CERS6: variants seen among roughly 807,000 people sequenced by gnomAD.
The protein encoded by CERS6 is ceramide synthase 6.
CERS6 carries 26 observed loss-of-function variants against 56.8 expected under a neutral mutation model. The observed-to-expected ratio is 0.46, with a 90% CI of 0.34 to 0.63. The LOEUF (loss-of-function observed/expected upper bound fraction) is 0.63. CERS6 is among the 30% of genes least tolerant of loss of function. The pLI, the probability that CERS6 is intolerant of heterozygous loss-of-function variation, is 0.01. For synonymous variants in CERS6, 164 were observed against 173.3 expected (o/e 0.95, Z 0.42); for missense variants, 415 against 467.5 (o/e 0.89, Z 1.04).
At chr2:168,736,945 T>C (rs1337629514) in intron 8 of CERS6, among the ~76,000 whole-genome samples, 1 of 152,214 alleles carries the variant, frequency 6.6e-6, no homozygotes, top group East Asian at 1.9e-4. Context: ...GGTCCCTGTC[T>C]GATAAATGTG....
At chr2:168,522,045 A>G (rs1694992636) in intron 1 of CERS6, among the ~76,000 whole-genome samples, 1 of 152,156 alleles carries the variant, frequency 6.6e-6, no homozygotes. Flanking sequence ...TGATTTGAGA[A>G]CACAGTGGGA....
At chr2:168,528,808 T>C (rs983560819) in intron 1 of CERS6, among the ~76,000 whole-genome samples, 2 of 152,252 alleles carry the variant, frequency 1.3e-5, no homozygotes, top group African/African-American at 4.8e-5. Context: ...CTACTTTCTC[T>C]GGACCTCAGT....
chr2:168,677,383 C>G (rs1686091423), intron 4 of CERS6, among the ~76,000 whole-genome samples: 1 of 152,084 alleles, frequency 6.6e-6, no homozygotes, highest in Non-Finnish European at 1.5e-5. Flanking sequence ...ATTCCATGGT[C>G]TATATGTGCC....
intron 8 of CERS6, among the ~76,000 whole-genome samples, chr2:168,754,148 T>C (rs1307873285): frequency 1.3e-5 from 2 of 152,026 alleles, no homozygotes; most frequent in Non-Finnish European, 2.9e-5. Flanking sequence ...CAGGAGGCAC[T>C]ATGGGTCCGT....
chr2:168,562,816 ACT>A (rs1695815782), intron 3 of CERS6, among the ~76,000 whole-genome samples: 1 of 152,186 alleles, frequency 6.6e-6, no homozygotes, highest in South Asian at 2.1e-4. Flanking sequence ...CAATAAATGA[ACT>A]TACTGGCAGT....
intron 6 of CERS6, among the ~76,000 whole-genome samples, chr2:168,701,458 A>C (rs757455995): frequency 8.1e-4 from 124 of 152,272 alleles, no homozygotes; most frequent in Middle Eastern, 3.4e-3. Flanking sequence ...TGAAATTTTC[A>C]CTGAGAATGC....
intron 4 of CERS6, among the ~76,000 whole-genome samples, chr2:168,687,385 C>A (rs561344734): frequency 6.6e-6 from 1 of 152,170 alleles, no homozygotes; most frequent in Non-Finnish European, 1.5e-5. Flanking sequence ...TTCCCTAGTA[C>A]CTTACTACTT....
chr2:168,485,134 A>G lies in CERS6; in HGVS notation c.170+28516A>G, dbSNP rs558821684. Among the ~76,000 whole-genome samples the G allele has an allele frequency of 9.9e-5, 15 of 151,982 alleles. 1 individual carries two copies. Among genetic ancestry groups the G allele is most frequent in the African/African-American group, 3.4e-4 (14 of 41,454 alleles). Reference sequence around the variant, plus strand: ...TTAAAAATCTTGACCCTTAAGTAAGATACAAAAACACAAAAGGTGACACAC... The same window carrying G: ...TTAAAAATCTTGACCCTTAAGTAAGGTACAAAAACACAAAAGGTGACACAC... On this transcript the variant is annotated intron_variant, in intron 1 of 9. Coordinates refer to ENST00000305747, the MANE Select transcript of CERS6 (RefSeq NM_203463.3).
chr2:168,746,069 A>T (rs1364313971), intron 8 of CERS6, among the ~76,000 whole-genome samples: 2 of 149,834 alleles, frequency 1.3e-5, no homozygotes, highest in Non-Finnish European at 2.9e-5. Context: ...AGAGCCTGGT[A>T]GGAGGGTTGA....
At chr2:168,684,344 G>A (rs139828922) in intron 4 of CERS6, among the ~76,000 whole-genome samples, 50 of 152,206 alleles carry the variant, frequency 3.3e-4, no homozygotes, top group African/African-American at 1.0e-3. Context: ...GAGTGCTCTC[G>A]GCTGCTCACC....
intron 8 of CERS6, among the ~76,000 whole-genome samples, chr2:168,730,508 C>A (rs1424706209): frequency 6.6e-6 from 1 of 152,240 alleles, no homozygotes; most frequent in East Asian, 1.9e-4. Flanking sequence ...AATTATCTTG[C>A]CCCTTCCATG....
chr2:168,676,585 C>G (rs976300423), intron 4 of CERS6, among the ~76,000 whole-genome samples: 1 of 152,152 alleles, frequency 6.6e-6, no homozygotes, highest in African/African-American at 2.4e-5. Flanking sequence ...ATTTGATTTT[C>G]TTGAAGTGAA....
intron 3 of CERS6, among the ~76,000 whole-genome samples, chr2:168,596,346 G>A (rs1202030006): frequency 1.3e-5 from 2 of 151,958 alleles, no homozygotes; most frequent in African/African-American, 4.8e-5. Flanking sequence ...GGGATTGGGG[G>A]GAGGGGTTGT....
intron 6 of CERS6, among the ~76,000 whole-genome samples, chr2:168,697,624 A>T (rs1167291940): frequency 6.6e-6 from 1 of 151,196 alleles, no homozygotes; most frequent in Non-Finnish European, 1.5e-5. Context: ...AAGGCCATGC[A>T]ATATAGGAAT....
chr2:168,459,300 C>T (rs796824160), intron 1 of CERS6, among the ~76,000 whole-genome samples: 2 of 152,232 alleles, frequency 1.3e-5, no homozygotes, highest in Non-Finnish European at 2.9e-5. Flanking sequence ...AGGTATTTCT[C>T]TCTACTAAGA....
chr2:168,532,718 A>G (rs1268692796), intron 1 of CERS6, among the ~76,000 whole-genome samples: 1 of 152,190 alleles, frequency 6.6e-6, no homozygotes, highest in African/African-American at 2.4e-5. Context: ...AATTTTTGGC[A>G]TTAAAAATTT....
intron 1 of CERS6, among the ~76,000 whole-genome samples, chr2:168,522,703 T>G (rs1695004196): frequency 6.6e-6 from 1 of 152,158 alleles, no homozygotes; most frequent in Non-Finnish European, 1.5e-5. Flanking sequence ...TGCAACTGGC[T>G]AATTTTTAAA....
At chr2:168,635,938 A>G (rs765635904) in intron 4 of CERS6, among the ~76,000 whole-genome samples, 5 of 152,182 alleles carry the variant, frequency 3.3e-5, no homozygotes, top group Non-Finnish European at 5.9e-5. Flanking sequence ...AATGGGAACA[A>G]GATTGTAATT....
chr2:168,456,382 G>A lies in CERS6; in HGVS notation c.-67G>A, dbSNP rs569625642. 653 of 1,323,872 alleles carry A rather than the reference G, an allele frequency of 4.9e-4. 9 individuals are homozygous for A. In the South Asian group the frequency reaches 9.8e-3, roughly 20 times the overall value. 82.0% of individuals were successfully genotyped at this position (1,323,872 alleles called of 1,614,324 possible). A position where few individuals can be genotyped will look rare whatever the true frequency, so the allele number is the denominator to read the frequency against. On this transcript the variant is annotated 5_prime_UTR_variant, in exon 1 of 10. Coordinates refer to ENST00000305747, the MANE Select transcript of CERS6 (RefSeq NM_203463.3). This position sits in a 1 kb window ranked among gnomAD's most constrained non-coding sequence, Gnocchi z 4.1. ...CGGGGCCAGCCGGGCGCGCATCCCC[G>A]GGCGCCCTGCGCGGTGGAGAGCTTG...
Sources: gnomAD v4.1 joint callset for allele counts (sites outside exome capture counted in the v4.1 genomes callset) on GRCh38, gnomAD v4.1.1 for gene constraint, Gnocchi (gnomAD v3.1) non-coding constraint, MANE v1.5 for transcripts, NCBI Gene and HGNC (gene_info 2026-07-23, HGNC 2026-07-21) for gene names.